Variants in SEMA6B observed in about 807,000 individuals in gnomAD.
SEMA6B encodes the protein semaphorin 6B.
SEMA6B carries 47 observed loss-of-function variants against 78.6 expected under a neutral mutation model. The observed-to-expected ratio is 0.60, with a 90% CI of 0.47 to 0.76. The LOEUF (loss-of-function observed/expected upper bound fraction) is 0.76. Among genes scored for constraint, SEMA6B ranks in the 30% least tolerant of loss-of-function variants. The pLI is 0.00. For synonymous variants in SEMA6B, 632 were observed against 592.2 expected, an observed-to-expected ratio of 1.07 and a Z score of -0.98; for missense variants, 1,213 against 1,269.9, an observed-to-expected ratio of 0.96 and a Z score of 0.68.
intron 1 of SEMA6B, 65 bp downstream of exon 1, chr19:4,559,465 A>T (rs957999042): frequency 2.6e-5 from 4 of 152,180 alleles, no homozygotes; most frequent in African/African-American, 9.7e-5. Flanking sequence ...ATGACATAGC[A>T]GCGGAATTCA....
chr19:4,543,530 G>T lies in SEMA6B; in HGVS notation c.*71C>A. The T allele has an allele frequency of 5.9e-6, 5 of 844,666 alleles. No homozygotes were observed. The highest frequency in any genetic ancestry group is 7.9e-6 in the Non-Finnish European group (5 of 634,296). 52.3% of individuals were successfully genotyped at this position (844,666 alleles called of 1,614,324 possible). On this transcript the variant is annotated 3_prime_UTR_variant, in exon 17 of 17. Transcript: ENST00000586582. ...CCCACTCGGAGTTGCCCCGGGCCCC[G>T]GCGTTCTGGCACCGTCTCTCGCTCC...
At chr19:4,557,396 A>G (rs951852454) in intron 3 of SEMA6B, among the ~76,000 whole-genome samples, 173 bp from the exon 4 acceptor site, 1 of 152,116 alleles carries the variant, frequency 6.6e-6, no homozygotes, top group Admixed American at 6.5e-5. Flanking sequence ...GCAGGCCTTC[A>G]TATCCTGCAC....
In SEMA6B at chr19:4,544,192, G is replaced by A. The variant is rs575006448; in HGVS notation, c.2076C>T (p.Ala692=). ...APLMQNGWAK[A]TLLQGGPHDL... is the part of the protein sequence containing the mutation. ...CGTGGGGCCCGCCCTGCAGCAGCGT[G>A]GCCTTGGCCCAGCCGTTCTGCATCA... Residue 692 remains alanine (A), a synonymous_variant, in exon 17 of 17, where the codon GCC becomes GCT. Coordinates refer to ENST00000586582, the MANE Select transcript of SEMA6B (RefSeq NM_032108.4). This position sits in a 1 kb window ranked among gnomAD's most constrained non-coding sequence, Gnocchi z 5.1. 1.3e-4 allele frequency: 169 copies of A among 1,270,512 alleles called. 1 individual carries two copies. The African/African-American group carries it at 2.5e-3, about 19-fold the overall frequency. 78.7% of individuals were successfully genotyped at this position (1,270,512 alleles called of 1,614,324 possible).
In SEMA6B at chr19:4,543,200, T is replaced by C. The variant is rs1298468598; in HGVS notation, c.*401A>G. The stretch of plus-strand genomic sequence containing the variant: ...GACCTTTCCAGGGGTGGGGGAGGGC[T>C]TAGGTCTGCAGCTGTGGCCCCCCAT... On this transcript the variant is annotated 3_prime_UTR_variant, in exon 17 of 17. Transcript: ENST00000586582. The C allele has an allele frequency of 1.7e-6, 1 of 578,770 alleles. No individual in the cohort carries two copies. Among genetic ancestry groups the C allele is most frequent in the African/African-American group, 1.9e-5 (1 of 53,094 alleles). 35.9% of individuals were successfully genotyped at this position (578,770 alleles called of 1,614,324 possible).
Position 4,544,347 on chromosome 19 carries a change from C to T in SEMA6B, c.1921G>A (p.Ala641Thr), listed in dbSNP as rs1977108214. The change falls in exon 17 of 17, where the codon GCG becomes ACG. Residue 641 changes from alanine to threonine, a missense_variant. Physicochemically the swap from Ala to Thr is moderately conservative, Grantham distance 58 (BLOSUM62 0). Transcript: ENST00000586582. This position sits in a 1 kb window ranked among gnomAD's most constrained non-coding sequence, Gnocchi z 5.1. ...ARRKDKEAILAHGAGEAVLSV... is the reference protein window; with the variant it reads ...ARRKDKEAILTHGAGEAVLSV... ...AGCACCGCCTCGCCCGCCCCGTGCG[C>T]CAGGATGGCCTCCTTGTCCTTGCGC... 6.5e-7 allele frequency: 1 copy of T among 1,549,846 alleles called. No individual in the cohort carries two copies. Among genetic ancestry groups the T allele is most frequent in the Non-Finnish European group, 8.7e-7 (1 of 1,152,706 alleles).
intron 12 of SEMA6B, among the ~76,000 whole-genome samples, 162 bp from the exon 13 acceptor site, chr19:4,548,607 A>G (rs1188318060): frequency 6.6e-6 from 1 of 152,238 alleles, no homozygotes; most frequent in Non-Finnish European, 1.5e-5. Context: ...ATGCGTGACT[A>G]CACAGGCACG....
Position 4,550,095 on chromosome 19 carries a change from C to T in SEMA6B, c.1271+28G>A, listed in dbSNP as rs780035406. On this transcript the variant is annotated intron_variant, in intron 12 of 16. Transcript: ENST00000586582. This position sits in a 1 kb window ranked among gnomAD's most constrained non-coding sequence, Gnocchi z 6.6. Reference sequence around the variant, plus strand: ...CCATCTACCCCATCCTGTCTCCCCTCGCCATGCCCTGCCTCTCCAGGACCG... The same window carrying T: ...CCATCTACCCCATCCTGTCTCCCCTTGCCATGCCCTGCCTCTCCAGGACCG... The T allele has an allele frequency of 1.2e-5, 20 of 1,610,380 alleles. No individual in the cohort carries two copies. The highest frequency in any genetic ancestry group is 6.6e-5 in the South Asian group (6 of 90,886).
Position 4,544,758 on chromosome 19 carries a change from C to T in SEMA6B, c.1739-229G>A, listed in dbSNP as rs1176801241. On this transcript the variant is annotated intron_variant, in intron 16 of 16. Coordinates refer to ENST00000586582, the MANE Select transcript of SEMA6B (RefSeq NM_032108.4). The surrounding 1 kb of genome is among the most constrained non-coding windows in gnomAD (Gnocchi z 5.1). The stretch of plus-strand genomic sequence containing the variant: ...TCAAGTGATTCTCCTGCCTCAGCCT[C>T]CCGAGTAGCTGGGACCACAGGTGCC... Among the ~76,000 whole-genome samples the T allele has an allele frequency of 3.3e-5, 5 of 152,034 alleles. No homozygotes were observed. The highest frequency in any genetic ancestry group is 4.8e-5 in the African/African-American group (2 of 41,388).
chr19:4,543,177 C>T lies in SEMA6B; in HGVS notation c.*424G>A. The T allele has an allele frequency of 1.7e-6, 1 of 594,150 alleles. No individual in the cohort carries two copies. The highest frequency in any genetic ancestry group is 2.0e-5 in the South Asian group (1 of 50,358). 36.8% of individuals were successfully genotyped at this position (594,150 alleles called of 1,614,324 possible). A position where few individuals can be genotyped will look rare whatever the true frequency, so the allele number is the denominator to read the frequency against. On this transcript the variant is annotated 3_prime_UTR_variant, in exon 17 of 17. Coordinates refer to ENST00000586582, the MANE Select transcript of SEMA6B (RefSeq NM_032108.4). ...GCCAGGGGCCTGGGTTGGGGAGGGACCTTTCCAGGGGTGGGGGAGGGCTTA... is the reference window on the plus strand; with the variant it reads ...GCCAGGGGCCTGGGTTGGGGAGGGATCTTTCCAGGGGTGGGGGAGGGCTTA...
intron 9 of SEMA6B, among the ~76,000 whole-genome samples, chr19:4,553,465 TGG>T (rs1977387753): frequency 6.9e-6 from 1 of 145,614 alleles, no homozygotes. Context: ...GATGGATGGA[TGG>T]ATGGATGGAT....
rs777801203 is a variant in SEMA6B, at chr19:4,558,180, A to C, written c.122-31T>G. 7.1e-7 allele frequency: 1 copy of C among 1,416,382 alleles called. No homozygotes were observed. Among genetic ancestry groups the C allele is most frequent in the Admixed American group, 2.4e-5 (1 of 41,074 alleles). 87.7% of individuals were successfully genotyped at this position (1,416,382 alleles called of 1,614,324 possible). ...TGAGGGGGTGGAGAGGGGTGTGAGC[A>C]AGGGCTGGGGGTGAAGAGAGGGTGG... On this transcript the variant is annotated intron_variant, in intron 2 of 16. Transcript: ENST00000586582. This position sits in a 1 kb window ranked among gnomAD's most constrained non-coding sequence, Gnocchi z 5.1.
intron 12 of SEMA6B, among the ~76,000 whole-genome samples, chr19:4,549,530 C>G (rs1196100150): frequency 6.7e-6 from 1 of 148,970 alleles, no homozygotes; most frequent in Non-Finnish European, 1.5e-5. Context: ...CCAGGCGGGA[C>G]TGCAGTGGCG....
Position 4,543,646 on chromosome 19 carries a change from G to T in SEMA6B, c.2622C>A (p.Leu874=), listed in dbSNP as rs773031145. The change falls in exon 17 of 17, where the codon CTC becomes CTA. Residue 874 remains leucine (L), a synonymous_variant. Coordinates refer to ENST00000586582, the MANE Select transcript of SEMA6B (RefSeq NM_032108.4). ...HARPGTDLAH[L]LPYGGADRTA... is the part of the protein sequence containing the mutation. ...TCCTGTCCGCCCCCCCATAGGGGAG[G>T]AGGTGGGCCAAGTCTGTGCCCGGCC... 1 of 1,232,356 alleles carries T rather than the reference G, an allele frequency of 8.1e-7. No individual in the cohort carries two copies. The highest frequency in any genetic ancestry group is 3.1e-5 in the East Asian group (1 of 31,822). The allele number at this position is 1,232,356 out of a possible 1,614,324, so 76.3% of individuals were successfully genotyped here. A position where few individuals can be genotyped will look rare whatever the true frequency, so the allele number is the denominator to read the frequency against.
Position 4,558,808 on chromosome 19 carries a change from A to G in SEMA6B, c.-32-319T>C, listed in dbSNP as rs902693496. 6.6e-6 allele frequency among the ~76,000 whole-genome samples: 1 copy of G among 152,074 alleles called. No homozygotes were observed. Among genetic ancestry groups the G allele is most frequent in the African/African-American group, 2.4e-5 (1 of 41,424 alleles). On this transcript the variant is annotated intron_variant, in intron 1 of 16. Transcript: ENST00000586582. This position sits in a 1 kb window ranked among gnomAD's most constrained non-coding sequence, Gnocchi z 5.1. ...CATATATTTAAAAATGCAATCGCAA[A>G]ATACATGCATAAAAATACTTAGAAT... is the stretch of plus-strand genomic sequence containing the variant.
rs767748401 is a variant in SEMA6B at position 4,552,618 on chromosome 19, G to A, written c.793C>T (p.Arg265Ter). 6.2e-7 allele frequency: 1 copy of A among 1,609,080 alleles called. No individual in the cohort carries two copies. Among genetic ancestry groups the A allele is most frequent in the Non-Finnish European group, 8.5e-7 (1 of 1,177,432 alleles). ...LEKVVVSRVA[R>*]VCKNDVGGSP... is the part of the protein sequence containing the mutation. Reference sequence around the variant, plus strand: ...CCTCCCACGTCGTTCTTGCACACTCGGGCCACGCGGGACACCACCACCTGG... The same window carrying A: ...CCTCCCACGTCGTTCTTGCACACTCAGGCCACGCGGGACACCACCACCTGG... The change falls in exon 10 of 17, where the codon CGA becomes TGA. Residue 265 changes from arginine to a stop codon, truncating the protein, a stop_gained. Transcript: ENST00000586582. LOFTEE classifies it high-confidence loss of function. This position sits in a 1 kb window ranked among gnomAD's most constrained non-coding sequence, Gnocchi z 7.4.
At chr19:4,553,526 G>A (rs1977390793) in intron 9 of SEMA6B, among the ~76,000 whole-genome samples, 1 of 148,414 alleles carries the variant, frequency 6.7e-6, no homozygotes, top group South Asian at 2.2e-4. Flanking sequence ...ATAAATGGAT[G>A]GATAGATGGG....
chr19:4,548,149 C>G lies in SEMA6B; in HGVS notation c.1479G>C (p.Glu493Asp). The change falls in exon 14 of 17, where the codon GAG (glutamate) becomes GAC (aspartate). Residue 493 changes from glutamate (E) to aspartate (D), a missense_variant. Glu to Asp is a conservative substitution (Grantham distance 45). Transcript: ENST00000586582. ...PDRCGRPGGG[E>D]TGQRLLSLEL... ...CCAAGCTCAGCAGCCGCTGCCCTGT[C>G]TCGCCACCGCCGGGCCGTCCACACC... The G allele has an allele frequency of 6.3e-7, 1 of 1,591,810 alleles. No individual in the cohort carries two copies. The highest frequency in any genetic ancestry group is 8.6e-7 in the Non-Finnish European group (1 of 1,169,350).
At position 4,543,491 on chromosome 19, in the gene SEMA6B, G is replaced by T. The variant is rs1014051064; in HGVS notation, c.*110C>A. The T allele has an allele frequency of 3.5e-5, 16 of 455,726 alleles. No individual in the cohort carries two copies. The highest frequency in any genetic ancestry group is 5.4e-5 in the Non-Finnish European group (15 of 279,554). 28.2% of individuals were successfully genotyped at this position (455,726 alleles called of 1,614,324 possible). A position where few individuals can be genotyped will look rare whatever the true frequency, so the allele number is the denominator to read the frequency against. On this transcript the variant is annotated 3_prime_UTR_variant, in exon 17 of 17. Transcript: ENST00000586582. ...CCCCCACTCCGCGGGTGGGTCGCGG[G>T]GGGGACTTGAGCACCCACTCGGAGT...
At chr19:4,546,118 C>T (rs1363291507) in intron 16 of SEMA6B, 98 bp downstream of exon 16, 4 of 1,280,040 alleles carry the variant, frequency 3.1e-6, no homozygotes, top group South Asian at 1.4e-5. Flanking sequence ...GTTTCCCCAC[C>T]CACCTCCCAG....
Sources: allele counts gnomAD v4.1 joint callset (sites outside exome capture counted in the v4.1 genomes callset), GRCh38; gene constraint gnomAD v4.1.1; non-coding constraint Gnocchi (gnomAD v3.1); transcripts MANE v1.5; gene names NCBI Gene and HGNC (gene_info 2026-07-23, HGNC 2026-07-21).